AGBL4: variants seen among roughly 807,000 people sequenced by gnomAD.
AGBL4 encodes AGBL carboxypeptidase 4, also known as cytosolic carboxypeptidase 6.
A neutral mutation model predicts 66.4 loss-of-function variants in AGBL4; 58 were observed. The ratio of observed to expected loss-of-function variants is 0.87; its 90% CI spans 0.71 to 1.09. The LOEUF (loss-of-function observed/expected upper bound fraction) is 1.09. AGBL4 is among the 50% of genes least tolerant of loss of function. The probability of loss-of-function intolerance (pLI) is 0.00; values close to 1 mark genes in which losing one functional copy is unlikely to be tolerated. For missense variants in AGBL4, 579 were observed against 631.0 expected, an observed-to-expected ratio of 0.92 and a Z score of 0.88; for synonymous variants, 234 against 222.9, an observed-to-expected ratio of 1.05 and a Z score of -0.44.
intron 3 of AGBL4, among the ~76,000 whole-genome samples, chr1:49,520,934 G>A (rs9651198): frequency 0.076 from 11,489 of 151,152 alleles, 660 homozygotes; most frequent in African/African-American, 0.16. Context: ...TCAGCCTCCC[G>A]AGTAGCTGGG....
chr1:48,619,738 G>T (rs184962337), intron 9 of AGBL4, among the ~76,000 whole-genome samples: 152 of 152,288 alleles, frequency 1.0e-3, no homozygotes, highest in African/African-American at 3.6e-3. Flanking sequence ...CTGCATAGGT[G>T]GTGCCAGGAG....
intron 5 of AGBL4, among the ~76,000 whole-genome samples, chr1:48,928,588 A>T (rs758545831): frequency 1.7e-4 from 26 of 152,084 alleles, no homozygotes; most frequent in Non-Finnish European, 3.8e-4. Context: ...GTGGAGAAGC[A>T]GGGGAGGACT....
At chr1:49,006,960 A>C (rs1355653822) in intron 5 of AGBL4, among the ~76,000 whole-genome samples, 2 of 107,462 alleles carry the variant, frequency 1.9e-5, no homozygotes, top group African/African-American at 5.5e-5. Context: ...AACTCTAAAA[A>C]GCAGAGCGCC....
chr1:48,945,532 A>G (rs1656423620), intron 5 of AGBL4, among the ~76,000 whole-genome samples: 1 of 152,240 alleles, frequency 6.6e-6, no homozygotes. Flanking sequence ...GATCCAAATG[A>G]TAAAAATGAG....
At chr1:49,807,395 A>G (rs767572428) in intron 2 of AGBL4, among the ~76,000 whole-genome samples, 3 of 152,198 alleles carry the variant, frequency 2.0e-5, no homozygotes, top group Non-Finnish European at 4.4e-5. Context: ...TTAAGGTTTT[A>G]GACTTGCAAT....
At chr1:49,408,722 G>A (rs150634161) in intron 3 of AGBL4, among the ~76,000 whole-genome samples, 7 of 152,264 alleles carry the variant, frequency 4.6e-5, no homozygotes, top group African/African-American at 1.4e-4. Flanking sequence ...TACACCAGTG[G>A]TTTGCCAGAG....
At chr1:49,476,135 A>G (rs961190122) in intron 3 of AGBL4, among the ~76,000 whole-genome samples, 24 of 151,220 alleles carry the variant, frequency 1.6e-4, no homozygotes, top group African/African-American at 5.9e-4. Flanking sequence ...CATTTATTTC[A>G]AAGAATTTTT....
At chr1:49,361,189 AT>A (rs1644127959) in intron 3 of AGBL4, among the ~76,000 whole-genome samples, 1 of 152,172 alleles carries the variant, frequency 6.6e-6, no homozygotes, top group African/African-American at 2.4e-5. Context: ...ATTTCTTAAT[AT>A]TCTAAAATAA....
intron 4 of AGBL4, among the ~76,000 whole-genome samples, chr1:49,066,407 C>A (rs915690372): frequency 6.6e-6 from 1 of 152,098 alleles, no homozygotes; most frequent in Admixed American, 6.5e-5. Context: ...AAAAAATTAG[C>A]CAGGTGTGGT....
intron 4 of AGBL4, among the ~76,000 whole-genome samples, chr1:49,156,888 A>G (rs1646442160): frequency 6.6e-6 from 1 of 152,146 alleles, no homozygotes; most frequent in Admixed American, 6.5e-5. Flanking sequence ...ATAGCAAAGA[A>G]CACAATCTTT....
At chr1:49,929,514 A>G (rs1653124084) in intron 1 of AGBL4, among the ~76,000 whole-genome samples, 1 of 152,150 alleles carries the variant, frequency 6.6e-6, no homozygotes, top group South Asian at 2.1e-4. Flanking sequence ...TGAAGTAAAT[A>G]AGTAAATTTT....
chr1:48,695,863 C>T (rs79434041), intron 6 of AGBL4, among the ~76,000 whole-genome samples: 5,892 of 151,998 alleles, frequency 0.039, 386 homozygotes, highest in African/African-American at 0.14. Context: ...TAGCCTAGAC[C>T]ACCACCAACC....
intron 3 of AGBL4, among the ~76,000 whole-genome samples, chr1:49,525,662 C>T (rs1650599783): frequency 6.6e-6 from 1 of 152,028 alleles, no homozygotes; most frequent in Admixed American, 6.5e-5. Flanking sequence ...AAAAGAAGCA[C>T]CCTGCTCACC....
chr1:49,523,241 A>C (rs1260524251), intron 3 of AGBL4, among the ~76,000 whole-genome samples: 8 of 152,052 alleles, frequency 5.3e-5, no homozygotes, highest in Admixed American at 5.2e-4. Context: ...GGTTATCAAA[A>C]GAACATTTTA....
chr1:48,680,907 G>C (rs907304961), intron 6 of AGBL4, among the ~76,000 whole-genome samples: 1 of 152,148 alleles, frequency 6.6e-6, no homozygotes, highest in African/African-American at 2.4e-5. Flanking sequence ...ATAGAGAATG[G>C]GGCAATGCTC....
intron 2 of AGBL4, among the ~76,000 whole-genome samples, chr1:49,744,063 A>G (rs1392214081): frequency 1.3e-5 from 2 of 151,812 alleles, no homozygotes; most frequent in East Asian, 3.9e-4. Flanking sequence ...ATAAAAAAAA[A>G]AGATAGTCTT....
At chr1:48,857,954 C>T (rs1036395339) in intron 6 of AGBL4, among the ~76,000 whole-genome samples, 23 of 152,004 alleles carry the variant, frequency 1.5e-4, no homozygotes, top group Non-Finnish European at 3.2e-4. Flanking sequence ...AATATATATT[C>T]TGAAAACCTC....
intron 3 of AGBL4, among the ~76,000 whole-genome samples, chr1:49,373,815 C>A (rs1455942077): frequency 6.6e-6 from 1 of 151,982 alleles, no homozygotes; most frequent in East Asian, 1.9e-4. Flanking sequence ...AGAAAATACT[C>A]CAGAACCATT....
intron 6 of AGBL4, among the ~76,000 whole-genome samples, chr1:48,787,870 A>G (rs1376044408): frequency 6.6e-6 from 1 of 152,370 alleles, no homozygotes; most frequent in East Asian, 1.9e-4. Flanking sequence ...TAGGTCTAGT[A>G]GGTAACTGGA....
Sources: gnomAD v4.1 joint callset for allele counts (sites outside exome capture counted in the v4.1 genomes callset) on GRCh38, gnomAD v4.1.1 for gene constraint, MANE v1.5 for transcripts, NCBI Gene and HGNC (gene_info 2026-07-23, HGNC 2026-07-21) for gene names.